RALA: variants seen among roughly 807,000 people sequenced by gnomAD.
The protein encoded by RALA is ras-related protein Ral-A.
Under a neutral mutation model 24.0 loss-of-function variants are expected in RALA, and 5 were observed. The ratio of observed to expected loss-of-function variants is 0.21; its 90% confidence interval spans 0.11 to 0.44. RALA has a LOEUF of 0.44. RALA is among the 20% of genes least tolerant of loss of function. The pLI is 0.99. For synonymous variants in RALA, 77 were observed against 83.8 expected, an observed-to-expected ratio of 0.92 and a Z score of 0.44; for missense variants, 95 against 241.2, an observed-to-expected ratio of 0.39 and a Z score of 4.01.
chr7:39,678,174 C>T (rs1356935910), intron 1 of RALA, among the ~76,000 whole-genome samples: 1 of 150,964 alleles, frequency 6.6e-6, no homozygotes, highest in East Asian at 1.9e-4. Flanking sequence ...GCACATGTAC[C>T]CTAAAACTTA....
chr7:39,636,335 G>A (rs1254761180), intron 1 of RALA, among the ~76,000 whole-genome samples: 4 of 152,168 alleles, frequency 2.6e-5, no homozygotes, highest in Non-Finnish European at 1.5e-5. Context: ...AAGCGTATGA[G>A]AGTTCCCAGT....
At chr7:39,674,041 G>GTAAAAAAAA (rs751747445) in intron 1 of RALA, among the ~76,000 whole-genome samples, 1 of 48,916 alleles carries the variant, frequency 2.0e-5, no homozygotes, top group African/African-American at 8.9e-5. Context: ...GGCATGCACT[G>GTAAAAAAAA]TAAATAAATA....
At chr7:39,653,699 T>G (rs1792054704) in intron 1 of RALA, among the ~76,000 whole-genome samples, 1 of 152,154 alleles carries the variant, frequency 6.6e-6, no homozygotes, top group Non-Finnish European at 1.5e-5. Flanking sequence ...TTTTAGGACC[T>G]TTTTGAACAT....
intron 1 of RALA, among the ~76,000 whole-genome samples, chr7:39,630,124 G>T (rs747235723): frequency 6.6e-6 from 1 of 151,766 alleles, no homozygotes; most frequent in African/African-American, 2.4e-5. Context: ...GCTCACTGCA[G>T]CCTCAGCCTC....
At chr7:39,692,895 C>A (rs772160990) in intron 3 of RALA, among the ~76,000 whole-genome samples, 2 of 152,040 alleles carry the variant, frequency 1.3e-5, no homozygotes, top group Non-Finnish European at 2.9e-5. Flanking sequence ...CATTCAGTGG[C>A]GATCATTAGA....
intron 1 of RALA, among the ~76,000 whole-genome samples, chr7:39,648,562 G>A (rs1331238679): frequency 6.6e-6 from 1 of 152,198 alleles, no homozygotes; most frequent in African/African-American, 2.4e-5. Flanking sequence ...ATGTTCTGCA[G>A]AGAGGAGTCC....
intron 1 of RALA, among the ~76,000 whole-genome samples, chr7:39,645,295 C>T (rs1289283674): frequency 6.6e-6 from 1 of 152,022 alleles, no homozygotes; most frequent in Non-Finnish European, 1.5e-5. Flanking sequence ...TTTTGTAAAT[C>T]CTGTGTGACA....
chr7:39,690,745 A>G (rs543901111), intron 3 of RALA, among the ~76,000 whole-genome samples, 155 bp downstream of exon 3: 40 of 152,312 alleles, frequency 2.6e-4, no homozygotes, highest in South Asian at 6.2e-4. Context: ...GACTCTCTCT[A>G]CTGTGTTATG....
chr7:39,702,477 A>G (rs1287957078), intron 4 of RALA, among the ~76,000 whole-genome samples: 1 of 152,260 alleles, frequency 6.6e-6, no homozygotes, highest in African/African-American at 2.4e-5. Flanking sequence ...GTCACTGCAT[A>G]TAGATGTATC....
intron 1 of RALA, among the ~76,000 whole-genome samples, chr7:39,667,130 C>T (rs1358527050): frequency 6.6e-6 from 1 of 152,158 alleles, no homozygotes; most frequent in Non-Finnish European, 1.5e-5. Context: ...TATCAGAAAA[C>T]TGATTTACTC....
At chr7:39,682,685 C>CAGGCTGG (rs1201356550) in intron 1 of RALA, among the ~76,000 whole-genome samples, 2 of 152,176 alleles carry the variant, frequency 1.3e-5, no homozygotes, top group African/African-American at 4.8e-5. Flanking sequence ...CTCTGTTGCC[C>CAGGCTGG]AGGCTGGAGT....
intron 1 of RALA, among the ~76,000 whole-genome samples, chr7:39,626,958 A>G (rs1416446485): frequency 2.7e-5 from 4 of 149,542 alleles, no homozygotes; most frequent in African/African-American, 1.0e-4. Flanking sequence ...AAGTCTTGTA[A>G]GGGTTTAGCT....
intron 1 of RALA, among the ~76,000 whole-genome samples, chr7:39,680,339 GCA>G (rs1792567831): frequency 1.3e-5 from 2 of 151,248 alleles, no homozygotes; most frequent in South Asian, 4.2e-4. Context: ...TCGCACCATT[GCA>G]CTCCAGCCTG....
At chr7:39,704,139 C>T (rs2115560884) in intron 4 of RALA, among the ~76,000 whole-genome samples, 1 of 139,766 alleles carries the variant, frequency 7.2e-6, no homozygotes, top group African/African-American at 2.7e-5. Context: ...CCACTCCAGC[C>T]TGGGCAACAG....
rs567168979 is a variant in RALA, at chr7:39,708,088, C to T, written c.*1843C>T. The T allele has an allele frequency of 1.3e-5, 2 of 152,732 alleles. No homozygotes were observed. Among genetic ancestry groups the T allele is most frequent in the African/African-American group, 4.8e-5 (2 of 41,556 alleles). The allele number at this position is 152,732 out of a possible 1,614,324, so 9.5% of individuals were successfully genotyped here. On this transcript the variant is annotated 3_prime_UTR_variant, in exon 5 of 5. Transcript: ENST00000005257. ...CGATTTGTTTATTTGCAATTTGAGCCATTTAAAGACCAATAAACTTCCTTT... is the reference window on the plus strand; with the variant it reads ...CGATTTGTTTATTTGCAATTTGAGCTATTTAAAGACCAATAAACTTCCTTT...
intron 1 of RALA, among the ~76,000 whole-genome samples, chr7:39,681,840 G>A (rs892740499): frequency 2.0e-5 from 3 of 152,082 alleles, no homozygotes; most frequent in Admixed American, 6.5e-5. Flanking sequence ...TTCAACTCTA[G>A]TTGAAATGTC....
intron 4 of RALA, among the ~76,000 whole-genome samples, chr7:39,703,463 C>T (rs1477975194): frequency 2.6e-5 from 4 of 152,070 alleles, no homozygotes; most frequent in Admixed American, 6.5e-5. Context: ...GTCCTATGTC[C>T]GTTTGACTCA....
chr7:39,699,187 G>A (rs1668247453), intron 4 of RALA, among the ~76,000 whole-genome samples: 1 of 125,140 alleles, frequency 8.0e-6, no homozygotes, highest in Admixed American at 1.0e-4. Context: ...AGGCCGGACT[G>A]CGGACTGCAG....
intron 4 of RALA, among the ~76,000 whole-genome samples, chr7:39,698,982 AAAAAAGC>A (rs1356804185): frequency 1.3e-5 from 2 of 152,158 alleles, no homozygotes; most frequent in African/African-American, 4.8e-5. Context: ...CTTTGGGAGA[AAAAAAGC>A]AAAGAGGTTG....
Sources: gnomAD v4.1 joint callset for allele counts (sites outside exome capture counted in the v4.1 genomes callset) on GRCh38, gnomAD v4.1.1 for gene constraint, MANE v1.5 for transcripts, NCBI Gene and HGNC (gene_info 2026-07-23, HGNC 2026-07-21) for gene names.